The following HS3ST4 variants were observed in gnomAD, a reference collection of about 807,000 sequenced individuals.
HS3ST4 encodes the protein heparan sulfate-glucosamine 3-sulfotransferase 4, also known as heparan sulfate glucosamine 3-O-sulfotransferase 4.
A neutral mutation model predicts 29.2 loss-of-function variants in HS3ST4; 17 were observed. The observed-to-expected ratio is 0.58, with a 90% CI of 0.40 to 0.87. The LOEUF (loss-of-function observed/expected upper bound fraction) is 0.87, where lower values mean the gene tolerates loss of function less well. Among genes scored for constraint, HS3ST4 ranks in the 40% least tolerant of loss-of-function variants. The pLI, the probability that HS3ST4 is intolerant of heterozygous loss-of-function variation, is 0.00. For missense variants in HS3ST4, 627 were observed against 634.5 expected (o/e 0.99, Z 0.13); for synonymous variants, 314 against 285.7 (o/e 1.10, Z -1.00).
At chr16:26,067,575 T>G (rs1451517165) in intron 1 of HS3ST4, among the ~76,000 whole-genome samples, 1 of 152,066 alleles carries the variant, frequency 6.6e-6, no homozygotes, top group African/African-American at 2.4e-5. Context: ...AAAATGAAAT[T>G]GTCCTCCCAG....
At chr16:25,726,508 A>G (rs1966535954) in intron 1 of HS3ST4, among the ~76,000 whole-genome samples, 1 of 152,180 alleles carries the variant, frequency 6.6e-6, no homozygotes, top group South Asian at 2.1e-4. Flanking sequence ...ATTTCTGGGC[A>G]TTTATCACTG....
chr16:25,959,959 A>G (rs1420224869), intron 1 of HS3ST4, among the ~76,000 whole-genome samples: 1 of 151,814 alleles, frequency 6.6e-6, no homozygotes, highest in East Asian at 1.9e-4. Flanking sequence ...ACATGGTGAA[A>G]CTCCATCTCT....
intron 1 of HS3ST4, among the ~76,000 whole-genome samples, chr16:26,049,497 T>C (rs1455947123): frequency 6.6e-6 from 1 of 151,776 alleles, no homozygotes; most frequent in African/African-American, 2.4e-5. Context: ...TGTGTGTGTA[T>C]GTGTGTGTCC....
At chr16:26,032,903 C>T (rs1969545171) in intron 1 of HS3ST4, 9 of 944,224 alleles carry the variant, frequency 9.5e-6, no homozygotes, top group Non-Finnish European at 1.3e-5. Flanking sequence ...GTTCTCGCCT[C>T]TTCTTCACAC....
chr16:25,931,776 G>T (rs920624613), intron 1 of HS3ST4, among the ~76,000 whole-genome samples: 10 of 152,218 alleles, frequency 6.6e-5, no homozygotes, highest in African/African-American at 2.2e-4. Context: ...CTTTGGTTTA[G>T]CTTATTGCCA....
intron 1 of HS3ST4, among the ~76,000 whole-genome samples, chr16:25,813,933 A>G (rs2141629749): frequency 6.6e-6 from 1 of 152,354 alleles, no homozygotes; most frequent in South Asian, 2.1e-4. Flanking sequence ...AAGCAGCTAA[A>G]AGACAAGCAG....
At chr16:25,980,042 T>G (rs1252931893) in intron 1 of HS3ST4, among the ~76,000 whole-genome samples, 2 of 152,210 alleles carry the variant, frequency 1.3e-5, no homozygotes, top group Admixed American at 6.5e-5. Context: ...CGTCCTGGTC[T>G]TCCTGCCTCT....
At chr16:25,731,011 C>T (rs1482496782) in intron 1 of HS3ST4, among the ~76,000 whole-genome samples, 1 of 152,192 alleles carries the variant, frequency 6.6e-6, no homozygotes, top group Non-Finnish European at 1.5e-5. Context: ...ACATGAGCTT[C>T]CAGGTGCCCT....
chr16:25,842,361 CA>C (rs1374137151), intron 1 of HS3ST4, among the ~76,000 whole-genome samples: 1 of 152,226 alleles, frequency 6.6e-6, no homozygotes, highest in Non-Finnish European at 1.5e-5. Context: ...CTGACACAGT[CA>C]AACAACATGG....
At chr16:25,771,206 T>A (rs1966841585) in intron 1 of HS3ST4, among the ~76,000 whole-genome samples, 1 of 152,178 alleles carries the variant, frequency 6.6e-6, no homozygotes, top group Non-Finnish European at 1.5e-5. Context: ...GTTCTCATTG[T>A]TCAACTCCTA....
At chr16:25,886,275 C>T (rs758261422) in intron 1 of HS3ST4, among the ~76,000 whole-genome samples, 3 of 152,118 alleles carry the variant, frequency 2.0e-5, no homozygotes, top group South Asian at 4.2e-4. Context: ...CCAAGTGATC[C>T]GCCTGCCTCG....
intron 1 of HS3ST4, among the ~76,000 whole-genome samples, chr16:26,037,170 C>G (rs1018717808): frequency 6.6e-6 from 1 of 152,178 alleles, no homozygotes; most frequent in African/African-American, 2.4e-5. Context: ...GCATCCTTGC[C>G]TCATGCCATA....
At chr16:25,825,014 G>A (rs891039040) in intron 1 of HS3ST4, 1 of 152,200 alleles carries the variant, frequency 6.6e-6, no homozygotes, top group Non-Finnish European at 1.5e-5. Context: ...GATAGGATGA[G>A]CCCTAATCCA....
chr16:25,790,588 A>G (rs9925430), intron 1 of HS3ST4, among the ~76,000 whole-genome samples: 19 of 152,282 alleles, frequency 1.2e-4, no homozygotes, highest in South Asian at 1.2e-3. Context: ...TAGCTTTTCC[A>G]GTGGTTGTAG....
intron 1 of HS3ST4, among the ~76,000 whole-genome samples, chr16:26,111,524 A>G (rs1899128991): frequency 6.6e-6 from 1 of 152,096 alleles, no homozygotes; most frequent in Non-Finnish European, 1.5e-5. Flanking sequence ...AGCTATAATG[A>G]AAACAAGGGG....
intron 1 of HS3ST4, among the ~76,000 whole-genome samples, chr16:26,113,403 G>T (rs190458576): frequency 2.7e-5 from 4 of 146,766 alleles, no homozygotes; most frequent in African/African-American, 1.0e-4. Flanking sequence ...CCGAGATCAC[G>T]CCACTGCACT....
rs369755668 is a variant in HS3ST4, at chr16:25,732,250, A to G, written c.734+39099A>G. ...CCCTACCCCCCAAACCCTTGGCATCAAATAAGCATTAGTAAAAATTGACAA... is the reference window on the plus strand; with the variant it reads ...CCCTACCCCCCAAACCCTTGGCATCGAATAAGCATTAGTAAAAATTGACAA... On this transcript the variant is annotated intron_variant, in intron 1 of 1. Transcript: ENST00000331351. 3.9e-5 allele frequency among the ~76,000 whole-genome samples: 6 copies of G among 152,304 alleles called. 1 individual carries two copies. In the South Asian group the frequency reaches 1.2e-3, roughly 32 times the overall value.
intron 1 of HS3ST4, among the ~76,000 whole-genome samples, chr16:25,771,281 T>C (rs1966841682): frequency 6.6e-6 from 1 of 152,176 alleles, no homozygotes; most frequent in African/African-American, 2.4e-5. Flanking sequence ...CAGCCAGGAT[T>C]TGAACCAGGA....
chr16:25,929,237 C>G (rs892349889), intron 1 of HS3ST4, among the ~76,000 whole-genome samples: 1 of 152,022 alleles, frequency 6.6e-6, no homozygotes, highest in African/African-American at 2.4e-5. Context: ...CAAAAATTAG[C>G]TGGGTGTGAT....
Sources: allele counts gnomAD v4.1 joint callset (sites outside exome capture counted in the v4.1 genomes callset), GRCh38; gene constraint gnomAD v4.1.1; transcripts MANE v1.5; gene names NCBI Gene and HGNC (gene_info 2026-07-23, HGNC 2026-07-21).